The following TUT4 variants were observed in gnomAD, a reference collection of about 807,000 sequenced individuals.
TUT4 encodes the protein terminal uridylyl transferase 4.
A neutral mutation model predicts 192.2 loss-of-function variants in TUT4; 36 were observed. The ratio of observed to expected loss-of-function variants is 0.19; its 90% CI spans 0.14 to 0.25. The LOEUF is 0.25. Among genes scored for constraint, TUT4 ranks in the 10% least tolerant of loss-of-function variants. The pLI, the probability that TUT4 is intolerant of heterozygous loss-of-function variation, is 1.00. For missense variants in TUT4, 1,493 were observed against 1,957.2 expected (o/e 0.76, Z 4.47); for synonymous variants, 618 against 666.0 (o/e 0.93, Z 1.11).
intron 1 of TUT4, among the ~76,000 whole-genome samples, chr1:52,540,250 C>T (rs1314123399): frequency 1.3e-5 from 2 of 148,220 alleles, no homozygotes; most frequent in East Asian, 4.0e-4. Flanking sequence ...GACGCGGTGG[C>T]TCATGCCTGT....
intron 4 of TUT4, among the ~76,000 whole-genome samples, chr1:52,507,793 A>G (rs1283844195): frequency 1.3e-5 from 2 of 152,108 alleles, no homozygotes; most frequent in Non-Finnish European, 2.9e-5. Flanking sequence ...TCAATCTGTA[A>G]TGTGTATAGG....
intron 2 of TUT4, among the ~76,000 whole-genome samples, chr1:52,522,075 T>C (rs1385858553): frequency 1.6e-5 from 2 of 124,984 alleles, no homozygotes; most frequent in African/African-American, 4.9e-5. Flanking sequence ...GATGTTTTCA[T>C]ATGGGAAAAA....
chr1:52,469,414 A>G (rs1665071695), intron 14 of TUT4, among the ~76,000 whole-genome samples: 1 of 152,208 alleles, frequency 6.6e-6, no homozygotes, highest in East Asian at 1.9e-4. Flanking sequence ...CCACAGGGGT[A>G]TTGGTTAACA....
At position 52,516,010 on chromosome 1, in the gene TUT4, T is replaced by C; in HGVS notation, c.763A>G (p.Met255Val). The change falls in exon 3 of 30, where the codon ATG becomes GTG. Residue 255 changes from methionine (M) to valine (V), a missense_variant. Around this residue, in one of 7 missense-constraint regions of TUT4, gnomAD observed 437 missense variants for 577.6 expected, o/e 0.76. Transcript: ENST00000257177. ...DESNKENSSE[M>V]DYLENATVID... ...ACAGTGGCATTTTCTAAGTAGTCCA[T>C]CTCTGAAGAATTTTCTTTATTAGAT... The C allele has an allele frequency of 1.2e-6, 2 of 1,613,516 alleles. No individual in the cohort carries two copies. Among genetic ancestry groups the C allele is most frequent in the Non-Finnish European group, 8.5e-7 (1 of 1,179,752 alleles).
At chr1:52,549,027 T>A (rs1688755522) in intron 1 of TUT4, among the ~76,000 whole-genome samples, 1 of 152,340 alleles carries the variant, frequency 6.6e-6, no homozygotes, top group Non-Finnish European at 1.5e-5. Flanking sequence ...TTAAAAGTTC[T>A]TGGACAGTAA....
chr1:52,533,241 G>A (rs1419862180), intron 1 of TUT4, among the ~76,000 whole-genome samples: 1 of 152,090 alleles, frequency 6.6e-6, no homozygotes, highest in Non-Finnish European at 1.5e-5. Flanking sequence ...TATGAGAAAG[G>A]AATAAAACTC....
intron 3 of TUT4, among the ~76,000 whole-genome samples, chr1:52,512,149 GAGT>G (rs1480249206): frequency 6.6e-6 from 1 of 152,168 alleles, no homozygotes; most frequent in Non-Finnish European, 1.5e-5. Context: ...ACAGAATGGG[GAGT>G]CAGAAGGCAT....
chr1:52,449,450 CA>C (rs1658673455), intron 20 of TUT4, among the ~76,000 whole-genome samples: 1 of 152,162 alleles, frequency 6.6e-6, no homozygotes, highest in African/African-American at 2.4e-5. Context: ...AGGCATATGC[CA>C]CCATGCCTGG....
At chr1:52,436,675 G>A (rs530497097) in intron 26 of TUT4, 80 bp downstream of exon 26, 4 of 1,576,418 alleles carry the variant, frequency 2.5e-6, no homozygotes, top group South Asian at 1.2e-5. Context: ...GCAACAGAGA[G>A]GAATTAGGGT....
chr1:52,534,656 C>T (rs1316097253), intron 1 of TUT4, among the ~76,000 whole-genome samples: 1 of 149,062 alleles, frequency 6.7e-6, no homozygotes, highest in Non-Finnish European at 1.5e-5. Context: ...AGTTCAAAGC[C>T]AGCTCAGGCA....
intron 8 of TUT4, 49 bp downstream of exon 8, chr1:52,490,683 G>T: frequency 6.7e-7 from 1 of 1,501,240 alleles, no homozygotes; most frequent in South Asian, 1.2e-5. Context: ...CTACAAATTT[G>T]GTTGTTGGGG....
At chr1:52,445,691 C>G in intron 24 of TUT4, 96 bp downstream of exon 24, 7 of 894,578 alleles carry the variant, frequency 7.8e-6, no homozygotes, top group Non-Finnish European at 1.2e-5. Context: ...ATGACCATCT[C>G]TTTCCCTATA....
chr1:52,475,618 T>A, intron 12 of TUT4, 83 bp from the exon 13 acceptor site: 2 of 1,248,194 alleles, frequency 1.6e-6, no homozygotes, highest in Non-Finnish European at 2.2e-6. Flanking sequence ...TCTTAACTGA[T>A]AAACTGTCAG....
intron 24 of TUT4, among the ~76,000 whole-genome samples, chr1:52,444,932 T>C (rs1000907710): frequency 1.8e-4 from 22 of 122,812 alleles, no homozygotes; most frequent in South Asian, 1.6e-3. Context: ...TGTGTATATA[T>C]ATGTATATAC....
intron 3 of TUT4, among the ~76,000 whole-genome samples, chr1:52,514,174 C>T (rs1678056379): frequency 6.6e-6 from 1 of 152,218 alleles, no homozygotes; most frequent in Non-Finnish European, 1.5e-5. Flanking sequence ...GGCACGGTGG[C>T]TCCTGCCTAT....
chr1:52,475,055 C>T lies in TUT4; in HGVS notation c.2504G>A (p.Cys835Tyr), dbSNP rs1666744588. The T allele has an allele frequency of 6.2e-7, 1 of 1,614,158 alleles. No individual in the cohort carries two copies. Residue 835 changes from cysteine to tyrosine, a missense_variant, in exon 13 of 30, where the codon TGC (cysteine) becomes TAC (tyrosine). Physicochemically the swap from Cys to Tyr is radical, Grantham distance 194. This residue lies in a region of TUT4 where 245 missense variants were observed against 218.4 expected (regional missense o/e 1.12). Coordinates refer to ENST00000257177, the MANE Select transcript of TUT4 (RefSeq NM_001009881.3). ...GTCAGGCGACTTAGACAAATCAATG[C>T]AATTACATTGGCTGAGCTCTTTTTT... ...CLKKELSQCN[C>Y]IDLSKSPDPD... is the part of the protein sequence containing the mutation.
chr1:52,468,692 A>G (rs977177475), intron 14 of TUT4, among the ~76,000 whole-genome samples: 3 of 152,128 alleles, frequency 2.0e-5, no homozygotes, highest in Admixed American at 1.3e-4. Flanking sequence ...CAAAATTTCT[A>G]TCTTCCCTAT....
chr1:52,424,166 G>A, intron 29 of TUT4, 164 bp from the exon 30 acceptor site: 3 of 663,422 alleles, frequency 4.5e-6, no homozygotes, highest in Non-Finnish European at 7.6e-6. Context: ...AAATGAAGAA[G>A]GGAAGGAAAT....
At position 52,446,441 on chromosome 1, in the gene TUT4, T is replaced by A. The variant is rs1479059943; in HGVS notation, c.3515A>T (p.Lys1172Ile). 1 of 1,575,930 alleles carries A rather than the reference T, an allele frequency of 6.3e-7. No homozygotes were observed. Among genetic ancestry groups the A allele is most frequent in the Non-Finnish European group, 8.6e-7 (1 of 1,169,130 alleles). The change falls in exon 22 of 30, where the codon AAA (lysine) becomes ATA (isoleucine). Residue 1172 changes from lysine to isoleucine, a missense_variant and splice_region_variant. Transcript: ENST00000257177. ...CTTTCCAAGTGAAGGTAAACGCTTT[T>A]TCTACATATAAAAAAAAAAAGAAAA... Reference protein sequence around the residue: ...AFFFDKTEELKKRLPSLGKNT... With the variant: ...AFFFDKTEELIKRLPSLGKNT...
Sources: allele counts gnomAD v4.1 joint callset (sites outside exome capture counted in the v4.1 genomes callset), GRCh38; gene constraint gnomAD v4.1.1; regional missense constraint gnomAD v4.1.1; transcripts MANE v1.5; gene names NCBI Gene and HGNC (gene_info 2026-07-23, HGNC 2026-07-21).